Variants in AGBL1 observed in about 807,000 individuals in gnomAD.
AGBL1 encodes the protein AGBL carboxypeptidase 1.
Under a neutral mutation model 118.9 loss-of-function variants are expected in AGBL1, and 130 were observed. The observed-to-expected ratio is 1.09, with a 90% confidence interval of 0.95 to 1.26. The LOEUF is 1.26. Among genes scored for constraint, AGBL1 ranks in the 50% most tolerant of loss-of-function variants. AGBL1 has a pLI of 0.00. For synonymous variants in AGBL1, 555 were observed against 478.9 expected, an observed-to-expected ratio of 1.16 and a Z score of -2.08; for missense variants, 1,584 against 1,298.1, an observed-to-expected ratio of 1.22 and a Z score of -3.38.
Position 86,845,699 on chromosome 15 carries a change from G to A in AGBL1, c.3159-61388G>A, listed in dbSNP as rs534718747. Among the ~76,000 whole-genome samples the A allele has an allele frequency of 2.0e-4, 30 of 152,150 alleles. 1 individual carries two copies. The highest frequency in any genetic ancestry group is 1.2e-3 in the East Asian group (6 of 5,176). ...ATAGAGCACCAGTGAAGCCATCTGC[G>A]CCCAGGGTTTTCTTGATAAAAGAAT... On this transcript the variant is annotated intron_variant, in intron 22 of 22. Coordinates refer to ENST00000614907, the MANE Select transcript of AGBL1 (RefSeq NM_001386094.1).
chr15:86,678,786 G>C lies in AGBL1; in HGVS notation c.3158+4350G>C, dbSNP rs544881137. Among the ~76,000 whole-genome samples the C allele has an allele frequency of 1.3e-4, 20 of 152,114 alleles. No individual in the cohort carries two copies. The East Asian group carries it at 3.7e-3, about 28-fold the overall frequency. On this transcript the variant is annotated intron_variant, in intron 22 of 22. Transcript: ENST00000614907. ...AGGTAGGCAGGTAGTTTTATAGTGA[G>C]TATATTTACATATTATAATTTATTT...
At chr15:86,923,274 C>T (rs2080498741) in intron 23 of AGBL1, among the ~76,000 whole-genome samples, 1 of 152,188 alleles carries the variant, frequency 6.6e-6, no homozygotes, top group Non-Finnish European at 1.5e-5. Context: ...TTCAGTTGTC[C>T]ATATGATGTA....
Position 86,334,733 on chromosome 15 carries a change from G to A in AGBL1, c.2374+39325G>A, listed in dbSNP as rs542235289. 1.4e-4 allele frequency among the ~76,000 whole-genome samples: 22 copies of A among 152,042 alleles called. 1 individual carries two copies. The highest frequency in any genetic ancestry group is 2.1e-4 in the Non-Finnish European group (14 of 68,014). On this transcript the variant is annotated intron_variant, in intron 17 of 22. Coordinates refer to ENST00000614907, the MANE Select transcript of AGBL1 (RefSeq NM_001386094.1). ...ATCGTAAGCAGAAAGAACAAACCTG[G>A]AGGTATCACATTACCCAACTTCTAA...
intron 21 of AGBL1, among the ~76,000 whole-genome samples, chr15:86,619,969 A>G (rs16977850): frequency 0.029 from 4,410 of 152,312 alleles, 108 homozygotes; most frequent in East Asian, 0.089. Context: ...ATCAGGACCC[A>G]GTCTTTCCTG....
At chr15:86,253,787 A>C (rs2078853825) in intron 7 of AGBL1, among the ~76,000 whole-genome samples, 1 of 152,218 alleles carries the variant, frequency 6.6e-6, no homozygotes, top group Non-Finnish European at 1.5e-5. Context: ...ACTGTTTTTA[A>C]GTGTACAGTT....
At chr15:86,368,782 A>C (rs2080928756) in intron 17 of AGBL1, among the ~76,000 whole-genome samples, 1 of 152,242 alleles carries the variant, frequency 6.6e-6, no homozygotes, top group Non-Finnish European at 1.5e-5. Flanking sequence ...CAGTATTATA[A>C]GATGTAATAG....
At chr15:86,281,813 A>G (rs975531628) in intron 16 of AGBL1, among the ~76,000 whole-genome samples, 1 of 152,182 alleles carries the variant, frequency 6.6e-6, no homozygotes, top group African/African-American at 2.4e-5. Flanking sequence ...ACAAGCTGCT[A>G]AAACATGCAG....
intron 22 of AGBL1, among the ~76,000 whole-genome samples, chr15:86,858,177 C>T (rs895088201): frequency 1.5e-4 from 23 of 152,074 alleles, no homozygotes; most frequent in African/African-American, 5.3e-4. Flanking sequence ...GGGACATGTT[C>T]AGTGCTATAA....
At chr15:86,686,870 C>T (rs2086067316) in intron 22 of AGBL1, among the ~76,000 whole-genome samples, 1 of 152,120 alleles carries the variant, frequency 6.6e-6, no homozygotes, top group East Asian at 1.9e-4. Flanking sequence ...TTGCCTAAGC[C>T]CACACAGCTA....
intron 22 of AGBL1, among the ~76,000 whole-genome samples, chr15:86,676,333 G>A (rs923024113): frequency 6.6e-6 from 1 of 152,214 alleles, no homozygotes; most frequent in South Asian, 2.1e-4. Flanking sequence ...CACGGATTGC[G>A]ATTCTTGCCC....
At chr15:86,244,636 A>C (rs1331036860) in intron 6 of AGBL1, among the ~76,000 whole-genome samples, 2 of 152,202 alleles carry the variant, frequency 1.3e-5, no homozygotes, top group African/African-American at 4.8e-5. Context: ...TTTTTCTCCC[A>C]GAAAATTAAA....
At chr15:86,961,572 T>G (rs2080993648) in intron 23 of AGBL1, among the ~76,000 whole-genome samples, 1 of 152,026 alleles carries the variant, frequency 6.6e-6, no homozygotes, top group Non-Finnish European at 1.5e-5. Context: ...TGCCACCACT[T>G]GGAAAGGCAT....
At chr15:86,886,714 T>C (rs983085067) in intron 22 of AGBL1, among the ~76,000 whole-genome samples, 7 of 152,170 alleles carry the variant, frequency 4.6e-5, no homozygotes, top group African/African-American at 1.7e-4. Flanking sequence ...TAAGCTGTGG[T>C]AGAGTTTTCA....
intron 22 of AGBL1, among the ~76,000 whole-genome samples, chr15:86,841,160 T>G (rs1488798358): frequency 6.6e-6 from 1 of 152,238 alleles, no homozygotes; most frequent in African/African-American, 2.4e-5. Flanking sequence ...AGCTCAGCAT[T>G]TCTTTGGCAG....
chr15:86,310,550 G>C (rs1486406919), intron 17 of AGBL1, among the ~76,000 whole-genome samples: 1 of 152,030 alleles, frequency 6.6e-6, no homozygotes, highest in African/African-American at 2.4e-5. Flanking sequence ...CTGAATCTTA[G>C]TTCTCCAAGG....
chr15:86,711,538 C>T (rs1318316018), intron 22 of AGBL1, among the ~76,000 whole-genome samples: 2 of 152,142 alleles, frequency 1.3e-5, no homozygotes, highest in African/African-American at 4.8e-5. Flanking sequence ...TATGAATTTT[C>T]CAAGAACTGC....
At chr15:86,447,586 A>G (rs960002838) in intron 18 of AGBL1, among the ~76,000 whole-genome samples, 2 of 152,190 alleles carry the variant, frequency 1.3e-5, no homozygotes, top group South Asian at 2.1e-4. Context: ...ATCACTCAAA[A>G]CCAAAAAAGT....
Position 86,924,351 on chromosome 15 carries a change from C to T in AGBL1, c.3222-63636C>T, listed in dbSNP as rs112535367. Among the ~76,000 whole-genome samples the T allele has an allele frequency of 8.6e-3, 1,313 of 152,324 alleles. 17 individuals are homozygous for T. Among genetic ancestry groups the T allele is most frequent in the African/African-American group, 0.03 (1,265 of 41,568 alleles). On this transcript the variant is annotated intron_variant, in intron 23 of 24. Coordinates refer to the AGBL1 transcript ENST00000441037. ...AGGGTAGAAAGGTGTGTAATCTTAGCAGAATGCTTTGAGGCTCAATTTTAT... is the reference window on the plus strand; with the variant it reads ...AGGGTAGAAAGGTGTGTAATCTTAGTAGAATGCTTTGAGGCTCAATTTTAT...
chr15:86,974,890 T>C (rs1047725079), intron 23 of AGBL1, among the ~76,000 whole-genome samples: 3 of 151,904 alleles, frequency 2.0e-5, no homozygotes, highest in Non-Finnish European at 4.4e-5. Flanking sequence ...GGTGATTATT[T>C]TGAAGTTCCT....
Sources: allele counts gnomAD v4.1 joint callset (sites outside exome capture counted in the v4.1 genomes callset), GRCh38; gene constraint gnomAD v4.1.1; transcripts MANE v1.5; gene names NCBI Gene and HGNC (gene_info 2026-07-23, HGNC 2026-07-21).